FSHR: variants seen among roughly 807,000 people sequenced by gnomAD.
FSHR encodes the protein follicle stimulating hormone receptor.
In FSHR, 46 loss-of-function variants were observed where a neutral mutation model predicts 52.1. That is an observed-to-expected ratio of 0.88 (90% CI 0.70 to 1.13). FSHR has a LOEUF of 1.13. Ranked by LOEUF, FSHR falls within the 50% of genes most tolerant of loss-of-function variation. The pLI is 0.00. For missense variants in FSHR, 964 were observed against 834.6 expected (o/e 1.16, Z -1.91); for synonymous variants, 399 against 309.6 (o/e 1.29, Z -3.03).
chr2:49,083,650 C>G (rs1165810080), intron 1 of FSHR, among the ~76,000 whole-genome samples: 1 of 150,170 alleles, frequency 6.7e-6, no homozygotes, highest in South Asian at 2.2e-4. Flanking sequence ...ATGGAGGAAG[C>G]TCTACCAAGC....
chr2:48,975,298 C>G lies in FSHR; in HGVS notation c.669-6415G>C, dbSNP rs188662833. On this transcript the variant is annotated intron_variant, in intron 8 of 9. Transcript: ENST00000406846. ...GGGATTTGTACCAGTTTCCCTCCCC[C>G]ACCCCCTTGGATTCTCAGGACTTTG... 9.8e-3 allele frequency among the ~76,000 whole-genome samples: 1,498 copies of G among 152,160 alleles called. 23 individuals are homozygous for G. The highest frequency in any genetic ancestry group is 0.041 in the Middle Eastern group (12 of 294).
intron 1 of FSHR, among the ~76,000 whole-genome samples, chr2:49,120,529 A>G (rs1003960873): frequency 6.6e-6 from 1 of 152,194 alleles, no homozygotes; most frequent in Non-Finnish European, 1.5e-5. Context: ...GTGATATAAT[A>G]TTATGTCCTT....
chr2:48,988,011 C>A (rs754302397), intron 6 of FSHR, among the ~76,000 whole-genome samples: 1 of 152,116 alleles, frequency 6.6e-6, no homozygotes, highest in Non-Finnish European at 1.5e-5. Context: ...AATTTCTATG[C>A]TAATCTGTTT....
In FSHR at chr2:49,154,375, C is replaced by T; in HGVS notation, c.43G>A (p.Gly15Ser). ...CAGATCCGATGATGACATCCTGAGCCCAAGCTCAGGAATGCCAGCAAAGAG... is the reference window on the plus strand; with the variant it reads ...CAGATCCGATGATGACATCCTGAGCTCAAGCTCAGGAATGCCAGCAAAGAG... ...LVSLLAFLSL[G>S]SGCHHRICHC... is the part of the protein sequence containing the mutation. Residue 15 changes from glycine (G) to serine (S), a missense_variant, in exon 1 of 10, where the codon GGC becomes AGC. Gly to Ser is a moderately conservative substitution (Grantham distance 56, BLOSUM62 0). Transcript: ENST00000406846. 1.2e-6 allele frequency: 2 copies of T among 1,613,204 alleles called. No individual in the cohort carries two copies. The highest frequency in any genetic ancestry group is 1.7e-6 in the Non-Finnish European group (2 of 1,179,834).
chr2:48,976,581 G>C (rs1675000246), intron 8 of FSHR, among the ~76,000 whole-genome samples: 1 of 152,108 alleles, frequency 6.6e-6, no homozygotes, highest in Non-Finnish European at 1.5e-5. Flanking sequence ...TTGTACCTCT[G>C]GTAGAATTTG....
intron 1 of FSHR, among the ~76,000 whole-genome samples, chr2:49,127,811 CT>C: frequency 1.9e-5 from 1 of 51,562 alleles, no homozygotes; most frequent in African/African-American, 7.9e-5. Context: ...TCTTCTTCTT[CT>C]TCTTCTTCTT....
At chr2:49,097,994 A>G (rs1670889380) in intron 1 of FSHR, among the ~76,000 whole-genome samples, 1 of 152,158 alleles carries the variant, frequency 6.6e-6, no homozygotes, top group Admixed American at 6.6e-5. Flanking sequence ...ATATATCTAT[A>G]TTATCATTCA....
chr2:49,068,150 A>G, intron 2 of FSHR, 69 bp downstream of exon 2: 1 of 1,148,790 alleles, frequency 8.7e-7, no homozygotes, highest in Non-Finnish European at 1.3e-6. Context: ...TAGTCATACT[A>G]GATGTGGTCT....
chr2:49,098,947 C>A (rs994213278), intron 1 of FSHR, among the ~76,000 whole-genome samples: 6 of 150,000 alleles, frequency 4.0e-5, no homozygotes, highest in Non-Finnish European at 7.4e-5. Context: ...AACACACACA[C>A]ACACACACAT....
intron 1 of FSHR, among the ~76,000 whole-genome samples, chr2:49,086,026 A>T (rs532845345): frequency 6.6e-6 from 1 of 152,094 alleles, no homozygotes; most frequent in African/African-American, 2.4e-5. Flanking sequence ...TGACGAGTTA[A>T]TGGGTGCAGC....
At position 49,004,862 on chromosome 2, in the gene FSHR, C is replaced by G. The variant is rs140811405; in HGVS notation, c.374+12627G>C. On this transcript the variant is annotated intron_variant, in intron 4 of 9. Transcript: ENST00000406846. ...CAAAATTAATGAGGTAAGGATACAACTACCTTGTAAGAAGGCATATCCTAT... is the reference window on the plus strand; with the variant it reads ...CAAAATTAATGAGGTAAGGATACAAGTACCTTGTAAGAAGGCATATCCTAT... 9.8e-3 allele frequency among the ~76,000 whole-genome samples: 1,495 copies of G among 152,226 alleles called. 20 individuals are homozygous for G. The highest frequency in any genetic ancestry group is 0.037 in the Middle Eastern group (11 of 294).
chr2:49,130,341 G>A (rs1672219181), intron 1 of FSHR, among the ~76,000 whole-genome samples: 1 of 152,116 alleles, frequency 6.6e-6, no homozygotes, highest in South Asian at 2.1e-4. Context: ...TATCTGTCCT[G>A]GGGTAAATCG....
At chr2:49,062,750 C>G (rs535805896) in intron 2 of FSHR, among the ~76,000 whole-genome samples, 18 of 151,854 alleles carry the variant, frequency 1.2e-4, no homozygotes, top group African/African-American at 4.1e-4. Context: ...TCATATGGGT[C>G]AAATAGACAT....
rs1324327932 is a variant in FSHR, at chr2:49,009,680, G to C, written c.374+7809C>G. 2.0e-5 allele frequency among the ~76,000 whole-genome samples: 3 copies of C among 149,924 alleles called. No homozygotes were observed. The East Asian group carries it at 6.0e-4, about 30-fold the overall frequency. On this transcript the variant is annotated intron_variant, in intron 4 of 9. Transcript: ENST00000406846. The stretch of plus-strand genomic sequence containing the variant: ...ATGAGCATGGAATGTTCTTCCATTT[G>C]TTTGTATCCTCTTTTATTTCCTTGA...
At position 49,154,400 on chromosome 2, in the gene FSHR, G is replaced by C. The variant is rs1294601487; in HGVS notation, c.18C>G (p.Val6=). MALLL[V]SLLAFLSLGS... ...CCAAGCTCAGGAATGCCAGCAAAGA[G>C]ACCAGGAGCAGGGCCATAATTATGC... is the stretch of plus-strand genomic sequence containing the variant. Residue 6 remains valine (V), a synonymous_variant, in exon 1 of 10, where the codon GTC becomes GTG. Transcript: ENST00000406846. 6.2e-7 allele frequency: 1 copy of C among 1,612,590 alleles called. No homozygotes were observed. The highest frequency in any genetic ancestry group is 1.3e-5 in the African/African-American group (1 of 74,842).
intron 2 of FSHR, among the ~76,000 whole-genome samples, chr2:49,024,088 G>A (rs757115174): frequency 5.3e-5 from 8 of 152,148 alleles, no homozygotes; most frequent in South Asian, 2.1e-4. Context: ...GACAAGTGCC[G>A]AACTGTTTTA....
chr2:49,034,370 G>C (rs998644654), intron 2 of FSHR, among the ~76,000 whole-genome samples: 3 of 152,182 alleles, frequency 2.0e-5, no homozygotes, highest in Admixed American at 2.0e-4. Flanking sequence ...AAAGAATGTG[G>C]TTAACTTCCC....
intron 8 of FSHR, among the ~76,000 whole-genome samples, chr2:48,970,901 C>T (rs1044566680): frequency 3.3e-5 from 5 of 152,126 alleles, no homozygotes; most frequent in African/African-American, 1.2e-4. Context: ...TCAAGCCTAA[C>T]TTTTAAATGT....
chr2:49,059,775 G>A (rs1444765516), intron 2 of FSHR: 1 of 152,068 alleles, frequency 6.6e-6, no homozygotes, highest in African/African-American at 2.4e-5. Flanking sequence ...AAGAAAACAT[G>A]GAGGAAGTGC....
Sources: gnomAD v4.1 joint callset for allele counts (sites outside exome capture counted in the v4.1 genomes callset) on GRCh38, gnomAD v4.1.1 for gene constraint, MANE v1.5 for transcripts, NCBI Gene and HGNC (gene_info 2026-07-23, HGNC 2026-07-21) for gene names.